Variants in RFT1 observed in about 807,000 individuals in gnomAD.
The protein encoded by RFT1 is RFT1 glycolipid translocator homolog.
In RFT1, 43 loss-of-function variants were observed where a neutral mutation model predicts 62.2. The ratio of observed to expected loss-of-function variants is 0.69; its 90% CI spans 0.54 to 0.89. The LOEUF (loss-of-function observed/expected upper bound fraction) is 0.89. RFT1 is among the 40% of genes least tolerant of loss of function. The pLI is 0.00. For synonymous variants in RFT1, 262 were observed against 264.6 expected (o/e 0.99, Z 0.10); for missense variants, 605 against 649.9 (o/e 0.93, Z 0.75).
chr3:53,126,061 G>A lies in RFT1; in HGVS notation c.64-67C>T, dbSNP rs1310422433. ...AGAAGTGTTTACTTAGCTGAAATGA[G>A]AACAATGTGGCTGTTCTTCCTAATG... On this transcript the variant is annotated intron_variant, in intron 1 of 12. Transcript: ENST00000296292. 4.0e-6 allele frequency: 5 copies of A among 1,265,702 alleles called. No homozygotes were observed. The East Asian group carries it at 1.2e-4, about 31-fold the overall frequency. 78.4% of individuals were successfully genotyped at this position (1,265,702 alleles called of 1,614,324 possible).
chr3:53,126,142 C>T, intron 1 of RFT1, 148 bp from the exon 2 acceptor site: 1 of 644,734 alleles, frequency 1.6e-6, no homozygotes, highest in South Asian at 1.7e-5. Context: ...AGACGCCCAA[C>T]CTGTCTGCAT....
At chr3:53,071,466 G>A in the RFT1 span, among the ~76,000 whole-genome samples, 2 of 152,154 alleles carry the variant, frequency 1.3e-5, no homozygotes, top group African/African-American at 2.4e-5. Flanking sequence ...CACCCTCCTC[G>A]CTATGCCTGA....
At chr3:53,130,208 C>G in intron 1 of RFT1, 130 bp downstream of exon 1, 7 of 932,470 alleles carry the variant, frequency 7.5e-6, no homozygotes, top group Non-Finnish European at 6.8e-6. Context: ...GGTCGACCCC[C>G]CCACCCCCTC....
At chr3:53,093,368 GT>G (rs1701051085) in intron 11 of RFT1, among the ~76,000 whole-genome samples, 2 of 152,146 alleles carry the variant, frequency 1.3e-5, no homozygotes, top group African/African-American at 4.8e-5. Flanking sequence ...ACATCACTTA[GT>G]TATCTTCAGT....
downstream of RFT1, among the ~76,000 whole-genome samples, chr3:53,084,907 A>G (rs1700826339): frequency 6.6e-6 from 1 of 152,228 alleles, no homozygotes; most frequent in African/African-American, 2.4e-5. Context: ...AGGGGCGATG[A>G]GGGATGAACC....
the RFT1 span, among the ~76,000 whole-genome samples, chr3:53,067,202 C>T: frequency 1.3e-5 from 2 of 152,044 alleles, no homozygotes; most frequent in South Asian, 2.1e-4. Flanking sequence ...AAAAATCAGC[C>T]GGGCACGGTG....
the RFT1 span, among the ~76,000 whole-genome samples, chr3:53,069,305 G>A: frequency 1.3e-5 from 2 of 152,222 alleles, no homozygotes; most frequent in South Asian, 2.1e-4. Context: ...AAGGCAGGCT[G>A]GGCTAAGCTA....
downstream of RFT1, among the ~76,000 whole-genome samples, chr3:53,084,475 A>C (rs886843896): frequency 2.0e-5 from 3 of 152,220 alleles, no homozygotes; most frequent in African/African-American, 7.2e-5. Flanking sequence ...ACATAATTGG[A>C]AAGGGTGTCA....
At position 53,090,088 on chromosome 3, in the gene RFT1, T is replaced by G. The variant is rs926325053; in HGVS notation, c.*1815A>C. Reference sequence around the variant, plus strand: ...AAAGCCAATCTCAGAGCCCTCCTCCTGGGAGACACAGACCCTGAAGGCCTG... The same window carrying G: ...AAAGCCAATCTCAGAGCCCTCCTCCGGGGAGACACAGACCCTGAAGGCCTG... On this transcript the variant is annotated 3_prime_UTR_variant, in exon 13 of 13. Coordinates refer to ENST00000296292, the MANE Select transcript of RFT1 (RefSeq NM_052859.4). 6.5e-6 allele frequency: 1 copy of G among 152,714 alleles called. No individual in the cohort carries two copies. Among genetic ancestry groups the G allele is most frequent in the Non-Finnish European group, 1.5e-5 (1 of 68,078 alleles). 9.5% of individuals were successfully genotyped at this position (152,714 alleles called of 1,614,324 possible). A position where few individuals can be genotyped will look rare whatever the true frequency, so the allele number is the denominator to read the frequency against.
chr3:53,102,853 CCTT>C lies in RFT1; in HGVS notation c.1102+1097_1102+1099del, dbSNP rs1433127950. Among the ~76,000 whole-genome samples the C allele has an allele frequency of 4.6e-5, 7 of 152,322 alleles. No individual in the cohort carries two copies. In the South Asian group the frequency reaches 1.4e-3, roughly 32 times the overall value. On this transcript the variant is annotated intron_variant, in intron 10 of 12. Coordinates refer to ENST00000296292, the MANE Select transcript of RFT1 (RefSeq NM_052859.4). ...CATGATAATGATGGGACAGCCCCCTCCTTGAGGCAACGCCCTGTGATTGTGTGA... is the reference window on the plus strand; with the variant it reads ...CATGATAATGATGGGACAGCCCCCTCGAGGCAACGCCCTGTGATTGTGTGA...
chr3:53,072,542 C>T, the RFT1 span, among the ~76,000 whole-genome samples: 1 of 152,204 alleles, frequency 6.6e-6, no homozygotes, highest in Non-Finnish European at 1.5e-5. Flanking sequence ...CCTAATTGCT[C>T]CTCTACCACT....
At position 53,122,463 on chromosome 3, in the gene RFT1, C is replaced by A. The variant is rs769288131; in HGVS notation, c.367G>T (p.Val123Leu). Reference sequence around the variant, plus strand: ...ACTGCCGAGAGACCAAACAGCACCACTCCAGTTGCATAGTGAGGGACAACA... The same window carrying A: ...ACTGCCGAGAGACCAAACAGCACCAATCCAGTTGCATAGTGAGGGACAACA... ...PNVVPHYATG[V>L]VLFGLSAVVE... is the part of the protein sequence containing the mutation. The change falls in exon 4 of 13, where the codon GTG becomes TTG. Residue 123 changes from valine (V) to leucine (L), a missense_variant. Coordinates refer to ENST00000296292, the MANE Select transcript of RFT1 (RefSeq NM_052859.4). 6.2e-7 allele frequency: 1 copy of A among 1,614,114 alleles called. No individual in the cohort carries two copies. The highest frequency in any genetic ancestry group is 8.5e-7 in the Non-Finnish European group (1 of 1,180,012).
intron 6 of RFT1, among the ~76,000 whole-genome samples, chr3:53,117,653 A>G (rs1466215367): frequency 6.6e-6 from 1 of 152,284 alleles, no homozygotes; most frequent in Non-Finnish European, 1.5e-5. Context: ...CAATAACATC[A>G]GAGCTGCCTA....
rs1700910775 is a variant in RFT1 at position 53,088,690 on chromosome 3, T to A, written c.*3213A>T. ...CTACAAAAAAAAATTAGAAATTAGC[T>A]GGGTGAGGTAGCACACACCTGTGAT... On this transcript the variant is annotated 3_prime_UTR_variant, in exon 13 of 13. Transcript: ENST00000296292. 6.6e-6 allele frequency: 1 copy of A among 151,220 alleles called. No individual in the cohort carries two copies. The highest frequency in any genetic ancestry group is 2.1e-4 in the South Asian group (1 of 4,798). 9.4% of individuals were successfully genotyped at this position (151,220 alleles called of 1,614,324 possible).
chr3:53,130,136 G>A (rs1702219609), intron 1 of RFT1, among the ~76,000 whole-genome samples: 1 of 152,216 alleles, frequency 6.6e-6, no homozygotes, highest in African/African-American at 2.4e-5. Flanking sequence ...ACCCGGCCTA[G>A]ACTCTAAAGG....
chr3:53,129,731 TAAATG>T (rs1702205745), intron 1 of RFT1, among the ~76,000 whole-genome samples: 1 of 152,194 alleles, frequency 6.6e-6, no homozygotes, highest in Admixed American at 6.5e-5. Context: ...CAACATGTAT[TAAATG>T]CATACTAAGA....
intron 9 of RFT1, among the ~76,000 whole-genome samples, chr3:53,104,876 C>T (rs1003280166): frequency 1.2e-4 from 18 of 152,252 alleles, no homozygotes; most frequent in African/African-American, 4.3e-4. Flanking sequence ...ATCTTACAGT[C>T]AGAGTGTAGC....
intron 3 of RFT1, 74 bp downstream of exon 3, chr3:53,123,650 G>T (rs547719701): frequency 2.6e-6 from 3 of 1,171,610 alleles, no homozygotes; most frequent in South Asian, 2.4e-5. Context: ...CTTTAGGCAC[G>T]TGTTACTGTT....
In RFT1 at chr3:53,123,828, A is replaced by G. The variant is rs1382086620; in HGVS notation, c.162T>C (p.Leu54=). The part of the protein sequence containing the change: ...VGVVNVRLTL[L]YSTTLFLARE... Reference sequence around the variant, plus strand: ...TGGCCAGGAAGAGGGTGGTTGAGTAAAGCAGCGTTAGTCTGTAAATGAAAG... The same window carrying G: ...TGGCCAGGAAGAGGGTGGTTGAGTAGAGCAGCGTTAGTCTGTAAATGAAAG... Residue 54 remains leucine (L), a synonymous_variant, in exon 3 of 13, where the codon CTT becomes CTC. Coordinates refer to ENST00000296292, the MANE Select transcript of RFT1 (RefSeq NM_052859.4). 2 of 1,613,736 alleles carry G rather than the reference A, an allele frequency of 1.2e-6. No individual in the cohort carries two copies. Among genetic ancestry groups the G allele is most frequent in the Non-Finnish European group, 1.7e-6 (2 of 1,179,732 alleles).
Sources: gnomAD v4.1 joint callset for allele counts (sites outside exome capture counted in the v4.1 genomes callset) on GRCh38, gnomAD v4.1.1 for gene constraint, MANE v1.5 for transcripts, NCBI Gene and HGNC (gene_info 2026-07-23, HGNC 2026-07-21) for gene names.